Variants in SUGCT observed in about 807,000 individuals in gnomAD.
The protein encoded by SUGCT is succinyl-CoA:glutarate CoA-transferase.
SUGCT carries 41 observed loss-of-function variants against 55.0 expected under a neutral mutation model. That is an observed-to-expected ratio of 0.74 (90% CI 0.58 to 0.97). SUGCT has a LOEUF of 0.97. SUGCT is among the 50% of genes least tolerant of loss of function. The pLI is 0.00. For missense variants in SUGCT, 568 were observed against 547.8 expected, an observed-to-expected ratio of 1.04 and a Z score of -0.37; for synonymous variants, 187 against 200.4, an observed-to-expected ratio of 0.93 and a Z score of 0.56.
rs142463917 is a variant in SUGCT, at chr7:40,288,581, T to C, written c.720+13925T>C. Among the ~76,000 whole-genome samples, 84 of 152,248 alleles carry C rather than the reference T, an allele frequency of 5.5e-4. 3 individuals are homozygous for C. In the East Asian group the frequency reaches 0.016, roughly 28 times the overall value. ...TGATTTTGGGAATTTTTGCCAGTGTTCTTGTTGCTTTTATGGCAGAAGGCT... is the reference window on the plus strand; with the variant it reads ...TGATTTTGGGAATTTTTGCCAGTGTCCTTGTTGCTTTTATGGCAGAAGGCT... On this transcript the variant is annotated intron_variant, in intron 8 of 13. Transcript: ENST00000335693.
intron 7 of SUGCT, among the ~76,000 whole-genome samples, chr7:40,251,991 T>C (rs1231177713): frequency 2.6e-5 from 4 of 152,002 alleles, no homozygotes; most frequent in African/African-American, 4.8e-5. Context: ...AATGTGTTGG[T>C]AGAATTCTGC....
chr7:40,173,542 C>CCAAT (rs1394409944), intron 1 of SUGCT, among the ~76,000 whole-genome samples: 2 of 152,192 alleles, frequency 1.3e-5, no homozygotes, highest in Non-Finnish European at 2.9e-5. Context: ...GGTTTATATC[C>CCAAT]CATTGTCCCT....
At chr7:40,639,659 A>T (rs1330109522) in intron 12 of SUGCT, among the ~76,000 whole-genome samples, 1 of 149,448 alleles carries the variant, frequency 6.7e-6, no homozygotes, top group Non-Finnish European at 1.5e-5. Context: ...GGATTACAGG[A>T]TTACCATGCC....
chr7:40,448,240 C>CCCTCCCTCCCTTCCTT (rs1157652064), intron 9 of SUGCT, among the ~76,000 whole-genome samples: 1 of 142,592 alleles, frequency 7.0e-6, no homozygotes, highest in Non-Finnish European at 1.5e-5. Context: ...CTCCCTCCCT[C>CCCTCCCTCCCTTCCTT]CCTCCCTTCC....
At chr7:40,243,464 T>C (rs1176391143) in intron 7 of SUGCT, among the ~76,000 whole-genome samples, 2 of 152,146 alleles carry the variant, frequency 1.3e-5, no homozygotes, top group African/African-American at 2.4e-5. Flanking sequence ...TAGTGGTATG[T>C]TATGTTGCAG....
intron 1 of SUGCT, among the ~76,000 whole-genome samples, chr7:40,171,151 C>T (rs1784650885): frequency 6.6e-6 from 1 of 152,170 alleles, no homozygotes; most frequent in Non-Finnish European, 1.5e-5. Flanking sequence ...AATTATCGAC[C>T]TTAAACTTTT....
chr7:40,726,260 T>C (rs1786605706), intron 12 of SUGCT, among the ~76,000 whole-genome samples: 1 of 152,046 alleles, frequency 6.6e-6, no homozygotes, highest in African/African-American at 2.4e-5. Flanking sequence ...ATATTTTATA[T>C]ATTATATGTA....
intron 9 of SUGCT, among the ~76,000 whole-genome samples, chr7:40,332,537 T>G (rs1160928875): frequency 6.7e-6 from 1 of 149,698 alleles, no homozygotes; most frequent in Admixed American, 6.8e-5. Flanking sequence ...TTAGAAGGGG[T>G]GTGGATTGTT....
At chr7:40,637,995 G>A (rs1800096404) in intron 12 of SUGCT, among the ~76,000 whole-genome samples, 1 of 152,172 alleles carries the variant, frequency 6.6e-6, no homozygotes, top group African/African-American at 2.4e-5. Flanking sequence ...TTTTAGAAGA[G>A]GCTATAGGGT....
chr7:40,844,929 A>C (rs1793482133), intron 13 of SUGCT, among the ~76,000 whole-genome samples: 1 of 152,246 alleles, frequency 6.6e-6, no homozygotes, highest in Non-Finnish European at 1.5e-5. Flanking sequence ...AGATGACTTC[A>C]CTTAGAAATG....
the SUGCT span, among the ~76,000 whole-genome samples, chr7:40,932,254 T>C: frequency 6.6e-6 from 1 of 152,214 alleles, no homozygotes; most frequent in East Asian, 1.9e-4. Flanking sequence ...TTCTTAATCC[T>C]GAGTTCTAAT....
At chr7:40,629,383 G>A (rs1426488434) in intron 12 of SUGCT, among the ~76,000 whole-genome samples, 1 of 152,162 alleles carries the variant, frequency 6.6e-6, no homozygotes, top group African/African-American at 2.4e-5. Context: ...AGAGGGTCAG[G>A]GGAGACTCTC....
chr7:40,703,126 G>A (rs372588718), intron 12 of SUGCT, among the ~76,000 whole-genome samples: 5 of 149,034 alleles, frequency 3.4e-5, no homozygotes, highest in East Asian at 2.0e-4. Flanking sequence ...GTGCCAGGGC[G>A]CGATCTCAGC....
chr7:40,440,462 A>G (rs1211665038), intron 9 of SUGCT, among the ~76,000 whole-genome samples: 4 of 151,976 alleles, frequency 2.6e-5, no homozygotes, highest in Admixed American at 6.6e-5. Flanking sequence ...CACCCAGCCA[A>G]GTTTTTATCC....
intron 2 of SUGCT, among the ~76,000 whole-genome samples, chr7:40,181,363 T>C (rs1013818874): frequency 6.6e-6 from 1 of 152,232 alleles, no homozygotes; most frequent in East Asian, 1.9e-4. Flanking sequence ...TTAATCATCC[T>C]CTAATCTTTC....
chr7:40,631,023 A>G (rs577880963), intron 12 of SUGCT, among the ~76,000 whole-genome samples: 1 of 152,324 alleles, frequency 6.6e-6, no homozygotes, highest in Admixed American at 6.5e-5. Context: ...GTACGTGGTT[A>G]CTTGACATTC....
intron 13 of SUGCT, among the ~76,000 whole-genome samples, chr7:40,810,934 T>C (rs1489315624): frequency 6.6e-6 from 1 of 152,222 alleles, no homozygotes; most frequent in Non-Finnish European, 1.5e-5. Context: ...AGTTAATTTT[T>C]GTATATCGTG....
chr7:40,512,040 T>G (rs540557270), intron 12 of SUGCT, among the ~76,000 whole-genome samples: 36 of 152,252 alleles, frequency 2.4e-4, no homozygotes, highest in Non-Finnish European at 4.7e-4. Flanking sequence ...AATTCATTTT[T>G]CTTTACAAAA....
chr7:40,688,199 C>A (rs1309199380), intron 12 of SUGCT, among the ~76,000 whole-genome samples: 1 of 152,188 alleles, frequency 6.6e-6, no homozygotes, highest in Non-Finnish European at 1.5e-5. Context: ...ACAGCTTCAA[C>A]TTTCTTCCAT....
Sources: allele counts gnomAD v4.1 joint callset (sites outside exome capture counted in the v4.1 genomes callset), GRCh38; gene constraint gnomAD v4.1.1; transcripts MANE v1.5; gene names NCBI Gene and HGNC (gene_info 2026-07-23, HGNC 2026-07-21).